Variants in SERPINB6 observed in about 807,000 individuals in gnomAD.
SERPINB6 encodes the protein serpin family B member 6, also known as serpin B6.
A neutral mutation model predicts 26.1 loss-of-function variants in SERPINB6; 16 were observed. The ratio of observed to expected loss-of-function variants is 0.61; its 90% CI spans 0.42 to 0.93. The LOEUF is 0.93. Ranked by LOEUF, SERPINB6 falls within the 40% of genes least tolerant of loss-of-function variation. The pLI is 0.00. For synonymous variants in SERPINB6, 174 were observed against 176.6 expected (o/e 0.99, Z 0.11); for missense variants, 420 against 478.0 (o/e 0.88, Z 1.13).
At chr6:2,961,886 ACT>A (rs1325018078) in intron 1 of SERPINB6, 1 of 982,996 alleles carries the variant, frequency 1.0e-6, no homozygotes, top group African/African-American at 1.8e-5. Context: ...ATGCTGAAGG[ACT>A]CTTACGCTTT....
intron 5 of SERPINB6, among the ~76,000 whole-genome samples, chr6:2,949,894 A>C (rs1769585639): frequency 6.6e-6 from 1 of 152,162 alleles, no homozygotes; most frequent in South Asian, 2.1e-4. Context: ...TCCTCACTGC[A>C]CTGCCAGCAA....
At chr6:2,963,032 T>C in intron 1 of SERPINB6, among the ~76,000 whole-genome samples, 1 of 151,976 alleles carries the variant, frequency 6.6e-6, no homozygotes, top group African/African-American at 2.4e-5. Flanking sequence ...AGAAAGGAGA[T>C]TGTCAGAAAG....
intron 4 of SERPINB6, 89 bp downstream of exon 4, chr6:2,954,503 C>A: frequency 9.5e-7 from 1 of 1,051,908 alleles, no homozygotes; most frequent in Non-Finnish European, 1.5e-6. Flanking sequence ...AAAAATCATT[C>A]CTGTTTACAA....
chr6:2,951,394 ATAAAAAAT>A lies in SERPINB6; in HGVS notation c.573+1642_573+1649del, dbSNP rs1422737203. On this transcript the variant is annotated intron_variant, in intron 5 of 6. Coordinates refer to ENST00000380539, the MANE Select transcript of SERPINB6 (RefSeq NM_004568.6). ...AGAGAGAAACTCTGTCTTGGAAAAA[ATAAAAAAT>A]AAAAAAAAAAAATAAGCATGGCTGT... Among the ~76,000 whole-genome samples, 72 of 133,764 alleles carry A rather than the reference ATAAAAAAT, an allele frequency of 5.4e-4. 1 individual carries two copies. Among genetic ancestry groups the A allele is most frequent in the East Asian group, 8.9e-4 (4 of 4,472 alleles). 87.8% of individuals were successfully genotyped at this position (133,764 alleles called of 152,430 possible). A position where few individuals can be genotyped will look rare whatever the true frequency, so the allele number is the denominator to read the frequency against.
intron 5 of SERPINB6, among the ~76,000 whole-genome samples, chr6:2,951,893 C>T (rs1769851654): frequency 6.6e-6 from 1 of 152,232 alleles, no homozygotes; most frequent in Admixed American, 6.5e-5. Flanking sequence ...CCCTCCCCTC[C>T]CTTGTTCCTC....
At position 2,971,260 on chromosome 6, in the gene SERPINB6, C is replaced by T; in HGVS notation, c.-11+273G>A. 4 of 844,406 alleles carry T rather than the reference C, an allele frequency of 4.7e-6. No homozygotes were observed. The South Asian group carries it at 2.2e-4, about 45-fold the overall frequency. 52.3% of individuals were successfully genotyped at this position (844,406 alleles called of 1,614,324 possible). A position where few individuals can be genotyped will look rare whatever the true frequency, so the allele number is the denominator to read the frequency against. ...ACGCACGACTCACCCGGCCGCGTCGCCGTTCTCTGCCGCTGCGAGGCTCCG... is the reference window on the plus strand; with the variant it reads ...ACGCACGACTCACCCGGCCGCGTCGTCGTTCTCTGCCGCTGCGAGGCTCCG... On this transcript the variant is annotated intron_variant, in intron 1 of 6. Coordinates refer to ENST00000380539, the MANE Select transcript of SERPINB6 (RefSeq NM_004568.6).
At chr6:2,968,805 A>G in intron 1 of SERPINB6, 1 of 1,231,650 alleles carries the variant, frequency 8.1e-7, no homozygotes, top group Non-Finnish European at 1.0e-6. Context: ...TTACATGGAC[A>G]GGACATGTCA....
intron 1 of SERPINB6, chr6:2,970,499 C>T (rs1323354442): frequency 8.7e-7 from 1 of 1,151,364 alleles, no homozygotes; most frequent in Non-Finnish European, 1.1e-6. Context: ...AGGACCTTAA[C>T]TAGAAGGTCA....
intron 4 of SERPINB6, among the ~76,000 whole-genome samples, chr6:2,953,539 A>G (rs1770065277): frequency 6.6e-6 from 1 of 152,242 alleles, no homozygotes. Flanking sequence ...ACAAGCTTAA[A>G]GAACAGTTAG....
intron 2 of SERPINB6, chr6:2,957,949 T>C (rs3823090): frequency 0.2 from 30,868 of 152,168 alleles, 3,400 homozygotes; most frequent in South Asian, 0.28. Context: ...AATACATGCC[T>C]GGCTGGGCTT....
In SERPINB6 at chr6:2,953,122, A is replaced by G. The variant is rs776581052; in HGVS notation, c.495T>C (p.Asn165=). Residue 165 remains asparagine, a synonymous_variant, in exon 5 of 7, where the codon AAT becomes AAC. Coordinates refer to ENST00000380539, the MANE Select transcript of SERPINB6 (RefSeq NM_004568.6). The part of the protein sequence containing the change: ...VDPLTRLVLV[N]AVYFRGNWDE... ...CCCAGTTTCCTCTGAAATAGACAGC[A>G]TTCACCAGAACCAGCCTTGTCAATG... 4.3e-6 allele frequency: 7 copies of G among 1,614,112 alleles called. No homozygotes were observed. The African/African-American group carries it at 6.7e-5, about 15-fold the overall frequency.
chr6:2,951,415 T>A (rs59515089), intron 5 of SERPINB6, among the ~76,000 whole-genome samples: 3,384 of 130,836 alleles, frequency 0.026, 62 homozygotes, highest in Non-Finnish European at 0.038. Context: ...AAAAAAAAAA[T>A]AAGCATGGCT....
intron 1 of SERPINB6, chr6:2,969,545 C>G: frequency 1.0e-6 from 1 of 985,350 alleles, no homozygotes; most frequent in Non-Finnish European, 1.2e-6. Flanking sequence ...ATCCTGGCAT[C>G]ACTTTTTTTT....
At chr6:2,964,291 T>C (rs978364660) in intron 1 of SERPINB6, among the ~76,000 whole-genome samples, 3 of 152,204 alleles carry the variant, frequency 2.0e-5, no homozygotes, top group Non-Finnish European at 4.4e-5. Context: ...GGAATTTCAC[T>C]GAAGGTAAAA....
At chr6:2,966,488 T>C (rs1771657796) in intron 1 of SERPINB6, 1 of 837,514 alleles carries the variant, frequency 1.2e-6, no homozygotes, top group Admixed American at 6.2e-5. Context: ...TGAGCGAACA[T>C]CACCGCCTGA....
intron 1 of SERPINB6, among the ~76,000 whole-genome samples, chr6:2,965,613 A>G (rs1771553470): frequency 6.6e-6 from 1 of 152,232 alleles, no homozygotes; most frequent in Non-Finnish European, 1.5e-5. Flanking sequence ...AAATCTAGTA[A>G]GCTAGCCTCT....
intron 1 of SERPINB6, chr6:2,966,408 C>T (rs975507793): frequency 2.0e-6 from 2 of 986,790 alleles, no homozygotes; most frequent in Non-Finnish European, 2.4e-6. Flanking sequence ...ACTTTATATG[C>T]AGGAGTCCCC....
chr6:2,955,042 T>G, intron 3 of SERPINB6: 1 of 312,256 alleles, frequency 3.2e-6, no homozygotes, highest in Non-Finnish European at 6.1e-6. Flanking sequence ...ATACAAAAAT[T>G]AGCCATGTAT....
At chr6:2,970,091 G>A (rs2113368045) in intron 1 of SERPINB6, 2 of 984,820 alleles carry the variant, frequency 2.0e-6, no homozygotes, top group South Asian at 9.4e-5. Flanking sequence ...TCTTTCTTTG[G>A]ATGCCTTGGC....
Sources: allele counts gnomAD v4.1 joint callset (sites outside exome capture counted in the v4.1 genomes callset), GRCh38; gene constraint gnomAD v4.1.1; transcripts MANE v1.5; gene names NCBI Gene and HGNC (gene_info 2026-07-23, HGNC 2026-07-21).